UNC13B: variants seen among roughly 807,000 people sequenced by gnomAD.
UNC13B encodes unc-13 homolog B.
In UNC13B, 144 loss-of-function variants were observed where a neutral mutation model predicts 211.0. That is an observed-to-expected ratio of 0.68 (90% CI 0.60 to 0.78). UNC13B has a LOEUF of 0.78. Ranked by LOEUF, UNC13B falls within the 30% of genes least tolerant of loss-of-function variation. The pLI is 0.00. For synonymous variants in UNC13B, 709 were observed against 725.8 expected (o/e 0.98, Z 0.37); for missense variants, 1,777 against 2,002.0 (o/e 0.89, Z 2.14).
At chr9:35,311,915 C>T (rs1233819468) in intron 10 of UNC13B, among the ~76,000 whole-genome samples, 5 of 152,108 alleles carry the variant, frequency 3.3e-5, no homozygotes, top group African/African-American at 7.2e-5. Context: ...TGAGCTAAAT[C>T]GGTTAGACTA....
At chr9:35,368,075 T>C (rs563849249) in intron 12 of UNC13B, among the ~76,000 whole-genome samples, 1 of 152,348 alleles carries the variant, frequency 6.6e-6, no homozygotes, top group East Asian at 1.9e-4. Context: ...TTTTTTTAAC[T>C]TTTGTTTTAG....
At chr9:35,281,000 G>A (rs1028694290) in intron 7 of UNC13B, among the ~76,000 whole-genome samples, 2 of 151,952 alleles carry the variant, frequency 1.3e-5, no homozygotes, top group Non-Finnish European at 2.9e-5. Flanking sequence ...CTTGTTATAG[G>A]TTTCATTGGG....
At chr9:35,270,066 A>G (rs561049853) in intron 7 of UNC13B, among the ~76,000 whole-genome samples, 24 of 152,274 alleles carry the variant, frequency 1.6e-4, no homozygotes, top group African/African-American at 5.5e-4. Flanking sequence ...TTAGTACAAA[A>G]TATTCCAAGC....
Position 35,306,172 on chromosome 9 carries a change from T to C in UNC13B, c.6768T>C (p.Gly2256=), listed in dbSNP as rs1829913584. 2 of 399,022 alleles carry C rather than the reference T, an allele frequency of 5.0e-6. No homozygotes were observed. Among genetic ancestry groups the C allele is most frequent in the South Asian group, 2.5e-4 (2 of 7,862 alleles). The allele number at this position is 399,022 out of a possible 1,614,324, so 24.7% of individuals were successfully genotyped here. The change falls in exon 9 of 40, where the codon GGT becomes GGC. Residue 2256 remains glycine (G), a synonymous_variant. Transcript: ENST00000635942. The stretch of plus-strand genomic sequence containing the variant: ...AGACAAATGTTTTTGTAGAGAGTGG[T>C]AGCACAATGACCAGAGAAAGTTCCA... The part of the protein sequence containing the change: ...CKKTNVFVES[G]STMTRESSSG...
At chr9:35,381,003 G>T in intron 18 of UNC13B, 97 bp from the exon 19 acceptor site, 1 of 1,201,168 alleles carries the variant, frequency 8.3e-7, no homozygotes, top group Non-Finnish European at 1.2e-6. Context: ...TCTTTTCCTT[G>T]GGTTGGCCCC....
chr9:35,259,786 T>G (rs1827146280), intron 7 of UNC13B, among the ~76,000 whole-genome samples: 2 of 51,356 alleles, frequency 3.9e-5, no homozygotes, highest in Non-Finnish European at 6.6e-5. Context: ...TGTGTGTGTG[T>G]AGGGGGATGC....
At chr9:35,234,200 T>C (rs1190000873) in intron 3 of UNC13B, among the ~76,000 whole-genome samples, 1 of 152,088 alleles carries the variant, frequency 6.6e-6, no homozygotes, top group African/African-American at 2.4e-5. Flanking sequence ...ACTGCAGCCT[T>C]GATCTCCTGG....
At chr9:35,256,864 A>C (rs1826910470) in intron 6 of UNC13B, among the ~76,000 whole-genome samples, 1 of 152,080 alleles carries the variant, frequency 6.6e-6, no homozygotes, top group Non-Finnish European at 1.5e-5. Flanking sequence ...TTCTTCTACT[A>C]TCCCTGTCTG....
rs368527122 is a variant in UNC13B, at chr9:35,357,431, C to T, written c.9415-9516C>T. Among the ~76,000 whole-genome samples, 24 of 151,420 alleles carry T rather than the reference C, an allele frequency of 1.6e-4. No individual in the cohort carries two copies. The East Asian group carries it at 1.9e-3, about 12-fold the overall frequency. ...CCACTTTTAAATTGAGGTTTTTTTT[C>T]GTTTTGTTTTTGAGCTGTAAGAATT... On this transcript the variant is annotated intron_variant, in intron 11 of 39. Coordinates refer to ENST00000635942, the MANE Select transcript of UNC13B (RefSeq NM_001371189.2).
At chr9:35,226,744 T>G (rs1321104229) in intron 1 of UNC13B, among the ~76,000 whole-genome samples, 4 of 152,234 alleles carry the variant, frequency 2.6e-5, no homozygotes. Context: ...ATCCTAGTTG[T>G]GCTGTCAGCT....
At position 35,184,745 on chromosome 9, in the gene UNC13B, AAAGAAAGAAAGAAAGG is replaced by A. The variant is rs1822245213; in HGVS notation, c.22+22444_22+22459del. Reference sequence around the variant, plus strand: ...GAAAGGGGAGAGAGGGAGACGAAAGAAAGAAAGAAAGAAAGGAAGGAAGGAAGGAAGGAAGGAGAAA... The same window carrying A: ...GAAAGGGGAGAGAGGGAGACGAAAGAAAGGAAGGAAGGAAGGAAGGAGAAA... On this transcript the variant is annotated intron_variant, in intron 1 of 39. Coordinates refer to ENST00000635942, the MANE Select transcript of UNC13B (RefSeq NM_001371189.2). Among the ~76,000 whole-genome samples the A allele has an allele frequency of 6.9e-5, 6 of 87,320 alleles. No individual in the cohort carries two copies. The South Asian group carries it at 3.2e-3, about 46-fold the overall frequency. The allele number at this position is 87,320 out of a possible 152,430, so 57.3% of individuals were successfully genotyped here.
At chr9:35,296,002 T>C (rs1326332210) in intron 8 of UNC13B, 72 bp downstream of exon 8, 10 of 1,427,288 alleles carry the variant, frequency 7.0e-6, no homozygotes, top group Non-Finnish European at 9.6e-6. Flanking sequence ...AAGAAGAATT[T>C]GGATGCTTTA....
chr9:35,276,158 T>G (rs1828163294), intron 7 of UNC13B, among the ~76,000 whole-genome samples: 2 of 151,750 alleles, frequency 1.3e-5, no homozygotes, highest in South Asian at 4.2e-4. Flanking sequence ...ATACAAAAAT[T>G]AGCCTGGTGT....
At position 35,399,043 on chromosome 9, in the gene UNC13B, A is replaced by G; in HGVS notation, c.12074+9A>G. ...GACTTCCTGGATGGCAAGTGAGTAC[A>G]GCATTCAGGACTATCCTGTGGGGAT... On this transcript the variant is annotated intron_variant, in intron 33 of 39. Transcript: ENST00000635942. The G allele has an allele frequency of 6.2e-7, 1 of 1,613,860 alleles. No individual in the cohort carries two copies. Among genetic ancestry groups the G allele is most frequent in the African/African-American group, 1.3e-5 (1 of 75,042 alleles).
intron 11 of UNC13B, chr9:35,364,489 T>G: frequency 2.0e-6 from 3 of 1,531,132 alleles, no homozygotes; most frequent in Non-Finnish European, 2.6e-6. Flanking sequence ...TCCCTACTTA[T>G]AGGACTGACT....
chr9:35,267,651 C>G lies in UNC13B; in HGVS notation c.526+8601C>G, dbSNP rs527966700. On this transcript the variant is annotated intron_variant, in intron 7 of 39. Coordinates refer to ENST00000635942, the MANE Select transcript of UNC13B (RefSeq NM_001371189.2). The stretch of plus-strand genomic sequence containing the variant: ...ATCTCTTTGTTGGTGGTTGTTGCCT[C>G]TCTGGCTGATATTGCTTGGTTGTTC... 1.2e-4 allele frequency among the ~76,000 whole-genome samples: 18 copies of G among 152,248 alleles called. No homozygotes were observed. In the South Asian group the frequency reaches 3.5e-3, roughly 30 times the overall value.
chr9:35,167,919 A>C (rs145948445), intron 1 of UNC13B, among the ~76,000 whole-genome samples: 4 of 149,448 alleles, frequency 2.7e-5, no homozygotes, highest in African/African-American at 9.9e-5. Context: ...TGGTTTTTAA[A>C]CATTTGTTTT....
At position 35,297,547 on chromosome 9, in the gene UNC13B, C is replaced by CTTTTTTTTTTTTTTTT. The variant is rs774525517; in HGVS notation, c.761+1622_761+1637dup. ...TGCATTCAGGAAGCACATACTTTGT[C>CTTTTTTTTTTTTTTTT]TTTTTTTTTTTTTTTTTTTTGAGAC... On this transcript the variant is annotated intron_variant, in intron 8 of 39. Transcript: ENST00000635942. Among the ~76,000 whole-genome samples the CTTTTTTTTTTTTTTTT allele has an allele frequency of 1.0e-3, 102 of 100,854 alleles. 10 individuals are homozygous for CTTTTTTTTTTTTTTTT. The highest frequency in any genetic ancestry group is 3.9e-3 in the African/African-American group (96 of 24,426). 66.2% of individuals were successfully genotyped at this position (100,854 alleles called of 152,430 possible).
intron 1 of UNC13B, among the ~76,000 whole-genome samples, chr9:35,203,127 C>G (rs564416067): frequency 1.7e-4 from 26 of 152,202 alleles, no homozygotes; most frequent in African/African-American, 6.3e-4. Flanking sequence ...CAGTCTGTGT[C>G]TTTTAATTGG....
Sources: gnomAD v4.1 joint callset for allele counts (sites outside exome capture counted in the v4.1 genomes callset) on GRCh38, gnomAD v4.1.1 for gene constraint, MANE v1.5 for transcripts, NCBI Gene and HGNC (gene_info 2026-07-23, HGNC 2026-07-21) for gene names.